Variants in SYT9 observed in about 807,000 individuals in gnomAD.
The protein encoded by SYT9 is synaptotagmin-9.
Under a neutral mutation model 48.4 loss-of-function variants are expected in SYT9, and 22 were observed. The ratio of observed to expected loss-of-function variants is 0.45; its 90% CI spans 0.32 to 0.65. The LOEUF (loss-of-function observed/expected upper bound fraction) is 0.65, where lower values mean the gene tolerates loss of function less well. Among genes scored for constraint, SYT9 ranks in the 30% least tolerant of loss-of-function variants. The probability of loss-of-function intolerance (pLI) is 0.03; values close to 1 mark genes in which losing one functional copy is unlikely to be tolerated. For synonymous variants in SYT9, 265 were observed against 245.0 expected (o/e 1.08, Z -0.76); for missense variants, 577 against 622.0 (o/e 0.93, Z 0.77).
At chr11:7,381,036 C>T (rs547956561) in intron 3 of SYT9, among the ~76,000 whole-genome samples, 62 of 152,262 alleles carry the variant, frequency 4.1e-4, no homozygotes, top group African/African-American at 1.4e-3. Context: ...GATAAAATTA[C>T]AGAACTGGAT....
At chr11:7,265,925 C>G (rs1049868069) in intron 1 of SYT9, among the ~76,000 whole-genome samples, 5 of 152,092 alleles carry the variant, frequency 3.3e-5, no homozygotes, top group Admixed American at 6.6e-5. Context: ...TAGAGAATAA[C>G]ATGGTTGCTT....
At chr11:7,334,100 C>T (rs112055022) in intron 3 of SYT9, among the ~76,000 whole-genome samples, 1,642 of 152,024 alleles carry the variant, frequency 0.011, 27 homozygotes, top group African/African-American at 0.038. Context: ...CAGAGTCCCA[C>T]GCAAAAGGAA....
chr11:7,248,895 G>A (rs936651268), upstream of SYT9, among the ~76,000 whole-genome samples: 35 of 152,042 alleles, frequency 2.3e-4, no homozygotes, highest in African/African-American at 8.2e-4. Flanking sequence ...AGCAAAAAGA[G>A]CAAATCTGGA....
chr11:7,314,794 C>T (rs990130113), intron 3 of SYT9, among the ~76,000 whole-genome samples: 1 of 152,222 alleles, frequency 6.6e-6, no homozygotes, highest in African/African-American at 2.4e-5. Context: ...AGCTCCTCTT[C>T]CTGGATATGA....
intron 1 of SYT9, among the ~76,000 whole-genome samples, chr11:7,299,225 T>G (rs1465720807): frequency 6.6e-6 from 1 of 152,238 alleles, no homozygotes; most frequent in African/African-American, 2.4e-5. Flanking sequence ...TCTAAGCTGA[T>G]GCTCCCTCTC....
At chr11:7,360,567 C>T (rs1266522898) in intron 3 of SYT9, among the ~76,000 whole-genome samples, 4 of 152,216 alleles carry the variant, frequency 2.6e-5, no homozygotes, top group African/African-American at 7.2e-5. Context: ...AGGTCCTTCA[C>T]GTCCCTTGTA....
chr11:7,241,469 G>C lies in SYT9; in HGVS notation c.49+2553G>C, dbSNP rs141220607. 1.9e-3 allele frequency among the ~76,000 whole-genome samples: 283 copies of C among 152,288 alleles called. 2 individuals carry two copies. The highest frequency in any genetic ancestry group is 6.5e-3 in the African/African-American group (272 of 41,556). Reference sequence around the variant, plus strand: ...TATGAACTTTGGTGAGTTGCAGATAGAGAAATTGAAGTCTCTGTGTTGAAG... The same window carrying C: ...TATGAACTTTGGTGAGTTGCAGATACAGAAATTGAAGTCTCTGTGTTGAAG... On this transcript the variant is annotated intron_variant and NMD_transcript_variant, in intron 1 of 8. Transcript: ENST00000524820.
intron 1 of SYT9, among the ~76,000 whole-genome samples, chr11:7,300,715 A>G (rs1848903340): frequency 6.6e-6 from 1 of 152,156 alleles, no homozygotes; most frequent in African/African-American, 2.4e-5. Flanking sequence ...TTTGTGTTGG[A>G]GAGGGCGGGG....
chr11:7,250,388 G>A (rs751554719), upstream of SYT9, among the ~76,000 whole-genome samples: 14 of 151,752 alleles, frequency 9.2e-5, no homozygotes, highest in Admixed American at 6.6e-5. Flanking sequence ...ATGGCATTAG[G>A]GTAATATTTC....
At chr11:7,391,178 T>TG (rs1850758523) in intron 3 of SYT9, among the ~76,000 whole-genome samples, 1 of 152,230 alleles carries the variant, frequency 6.6e-6, no homozygotes. Flanking sequence ...ATGATGTATA[T>TG]GTACCATATT....
In SYT9 at chr11:7,407,821, A is replaced by G. The variant is rs76257703; in HGVS notation, c.1045-8221A>G. On this transcript the variant is annotated intron_variant, in intron 3 of 6. Coordinates refer to ENST00000318881, the MANE Select transcript of SYT9 (RefSeq NM_175733.4). ...TTCTTTCTCCTTGGTGCCTTCATCA[A>G]AAATCAGTTGGCTGTAAATACATGG... Among the ~76,000 whole-genome samples the G allele has an allele frequency of 1.5e-3, 232 of 152,322 alleles. 4 individuals carry two copies. The East Asian group carries it at 0.033, about 22-fold the overall frequency.
intron 6 of SYT9, among the ~76,000 whole-genome samples, chr11:7,429,268 C>G (rs891291938): frequency 6.6e-6 from 1 of 152,214 alleles, no homozygotes; most frequent in African/African-American, 2.4e-5. Context: ...ATTACCACTG[C>G]ATACGCTGAT....
At chr11:7,287,829 T>C (rs1848624206) in intron 1 of SYT9, among the ~76,000 whole-genome samples, 2 of 152,194 alleles carry the variant, frequency 1.3e-5, no homozygotes, top group South Asian at 2.1e-4. Flanking sequence ...TAACAAATTA[T>C]GCAGCAGCAA....
chr11:7,306,659 C>A (rs1296748283), intron 2 of SYT9, among the ~76,000 whole-genome samples: 1 of 152,126 alleles, frequency 6.6e-6, no homozygotes, highest in Non-Finnish European at 1.5e-5. Flanking sequence ...CTTCTTGGGA[C>A]CTTTACTTCC....
chr11:7,346,180 T>A (rs566602008), intron 3 of SYT9, among the ~76,000 whole-genome samples: 2 of 152,260 alleles, frequency 1.3e-5, no homozygotes, highest in Non-Finnish European at 2.9e-5. Context: ...GGAGGCAGCA[T>A]GTTTAAATAG....
At chr11:7,332,459 C>A (rs1299284425) in intron 3 of SYT9, among the ~76,000 whole-genome samples, 1 of 152,152 alleles carries the variant, frequency 6.6e-6, no homozygotes, top group Non-Finnish European at 1.5e-5. Context: ...AGGCAGGGAA[C>A]AATAGGGTCT....
intron 1 of SYT9, among the ~76,000 whole-genome samples, chr11:7,256,937 C>T (rs1847982649): frequency 6.6e-6 from 1 of 152,090 alleles, no homozygotes; most frequent in Non-Finnish European, 1.5e-5. Context: ...TCATGGTTTT[C>T]AACTTTGGCT....
intron 1 of SYT9, among the ~76,000 whole-genome samples, chr11:7,273,445 G>C (rs1198220485): frequency 6.6e-6 from 1 of 152,064 alleles, no homozygotes; most frequent in Admixed American, 6.5e-5. Flanking sequence ...GTAGCCAAGA[G>C]AGCAAAGTTT....
At chr11:7,463,066 A>G (rs1335954990) in intron 6 of SYT9, among the ~76,000 whole-genome samples, 2 of 152,200 alleles carry the variant, frequency 1.3e-5, no homozygotes, top group Admixed American at 6.5e-5. Context: ...CTCTGTTCAG[A>G]TAGGATTGTA....
Sources: gnomAD v4.1 joint callset for allele counts (sites outside exome capture counted in the v4.1 genomes callset) on GRCh38, gnomAD v4.1.1 for gene constraint, MANE v1.5 for transcripts, NCBI Gene and HGNC (gene_info 2026-07-23, HGNC 2026-07-21) for gene names.